RUNX1T1: variants seen among roughly 807,000 people sequenced by gnomAD.
RUNX1T1 encodes protein CBFA2T1.
A neutral mutation model predicts 62.8 loss-of-function variants in RUNX1T1; 4 were observed. The observed-to-expected ratio is 0.06, with a 90% confidence interval of 0.03 to 0.15. The LOEUF is 0.15. Ranked by LOEUF, RUNX1T1 falls within the 10% of genes least tolerant of loss-of-function variation. The pLI, the probability that RUNX1T1 is intolerant of heterozygous loss-of-function variation, is 1.00. For synonymous variants in RUNX1T1, 291 were observed against 286.0 expected (o/e 1.02, Z -0.18); for missense variants, 508 against 754.3 (o/e 0.67, Z 3.82).
chr8:91,986,990 G>T lies in RUNX1T1; in HGVS notation c.911-18C>A. The T allele has an allele frequency of 1.3e-6, 2 of 1,538,772 alleles. No homozygotes were observed. Among genetic ancestry groups the T allele is most frequent in the Non-Finnish European group, 1.8e-6 (2 of 1,112,280 alleles). On this transcript the variant is annotated intron_variant, in intron 6 of 10. Transcript: ENST00000396218. ...ATGCAACCCTACAAAAATAGAGAAGGCTGAATAACCCTAAAGCATTCAGTA... is the reference window on the plus strand; with the variant it reads ...ATGCAACCCTACAAAAATAGAGAAGTCTGAATAACCCTAAAGCATTCAGTA...
intron 1 of RUNX1T1, among the ~76,000 whole-genome samples, chr8:92,029,177 G>A (rs555655321): frequency 5.3e-5 from 8 of 152,246 alleles, no homozygotes; most frequent in African/African-American, 1.9e-4. Context: ...GATTTTAATT[G>A]AATGTACTCT....
intron 5 of RUNX1T1, 93 bp from the exon 7 acceptor site, chr8:91,991,982 A>C: frequency 7.4e-7 from 1 of 1,356,982 alleles, no homozygotes; most frequent in Non-Finnish European, 1.0e-6. Context: ...TAAAAACAGA[A>C]TATTTTTTAT....
intron 1 of RUNX1T1, among the ~76,000 whole-genome samples, chr8:92,035,681 T>C (rs1311416253): frequency 1.3e-5 from 2 of 152,104 alleles, no homozygotes; most frequent in Non-Finnish European, 2.9e-5. Flanking sequence ...CTTAATAAAG[T>C]AATTCAGAGA....
intron 2 of RUNX1T1, among the ~76,000 whole-genome samples, chr8:92,074,258 T>C (rs1301801164): frequency 1.1e-4 from 17 of 152,228 alleles, no homozygotes; most frequent in Admixed American, 7.2e-4. Context: ...GTTCTTGTCA[T>C]GCATTTTTGC....
At chr8:92,060,223 T>C (rs1831689910) in intron 1 of RUNX1T1, among the ~76,000 whole-genome samples, 1 of 152,088 alleles carries the variant, frequency 6.6e-6, no homozygotes, top group African/African-American at 2.4e-5. Flanking sequence ...TAAACAATTT[T>C]GAAATAATCT....
chr8:91,969,722 C>T (rs1287300064), intron 10 of RUNX1T1, among the ~76,000 whole-genome samples: 1 of 152,148 alleles, frequency 6.6e-6, no homozygotes. Context: ...CCTGCAGAGT[C>T]TTTCATCTAC....
chr8:92,017,727 T>C (rs2131173811), intron 1 of RUNX1T1: 1 of 904,328 alleles, frequency 1.1e-6, no homozygotes, highest in Non-Finnish European at 1.4e-6. Context: ...GAACCCCTCA[T>C]GACAGCTCAG....
intron 5 of RUNX1T1, among the ~76,000 whole-genome samples, chr8:92,001,652 C>T (rs1030445040): frequency 1.3e-5 from 2 of 152,010 alleles, no homozygotes; most frequent in African/African-American, 2.4e-5. Context: ...AAATGGGAAA[C>T]AAAACAACCA....
chr8:92,046,106 C>A (rs1829353908), intron 1 of RUNX1T1, among the ~76,000 whole-genome samples: 1 of 152,122 alleles, frequency 6.6e-6, no homozygotes, highest in Non-Finnish European at 1.5e-5. Flanking sequence ...CCTGCCGACT[C>A]ATGTATCATT....
chr8:92,098,648 C>A (rs1249851905), intron 1 of RUNX1T1, among the ~76,000 whole-genome samples: 2 of 152,104 alleles, frequency 1.3e-5, no homozygotes, highest in African/African-American at 4.8e-5. Flanking sequence ...AGCTACATAG[C>A]GATTTATTCA....
At chr8:92,007,760 A>G (rs772140765) in intron 4 of RUNX1T1, among the ~76,000 whole-genome samples, 2 of 152,064 alleles carry the variant, frequency 1.3e-5, no homozygotes, top group Non-Finnish European at 2.9e-5. Context: ...ACTTAAGCCC[A>G]GGAGTTTGAG....
chr8:92,008,290 G>C (rs1821216577), intron 4 of RUNX1T1, among the ~76,000 whole-genome samples: 1 of 151,846 alleles, frequency 6.6e-6, no homozygotes, highest in Non-Finnish European at 1.5e-5. Flanking sequence ...CGGGGGGGAA[G>C]TGAAGACTGT....
rs56037232 is a variant in RUNX1T1, at chr8:91,959,412, TTGTGTGTGTGTGTG to T, written c.*816_*829del. 190 of 139,470 alleles carry T rather than the reference TTGTGTGTGTGTGTG, an allele frequency of 1.4e-3. 2 individuals are homozygous for T. The highest frequency in any genetic ancestry group is 1.8e-3 in the Non-Finnish European group (135 of 76,864). The allele number at this position is 139,470 out of a possible 1,614,324, so 8.6% of individuals were successfully genotyped here. On this transcript the variant is annotated 3_prime_UTR_variant, in exon 11 of 11. Coordinates refer to ENST00000396218, the Ensembl canonical transcript of RUNX1T1. ...ATTAACTGCAGGCTGAGTCTCTTAC[TTGTGTGTGTGTGTG>T]TGTGTGTGTGTGTGTGTGTGTGTGT...
chr8:92,058,403 T>C (rs1053427749), intron 1 of RUNX1T1, among the ~76,000 whole-genome samples: 1 of 152,204 alleles, frequency 6.6e-6, no homozygotes, highest in Admixed American at 6.5e-5. Context: ...CAAGTGATTA[T>C]TGTCACAGAA....
exon 1 of RUNX1T1, chr8:92,062,879 T>C (rs745669386): frequency 6.2e-5 from 85 of 1,360,152 alleles, no homozygotes; most frequent in Admixed American, 1.9e-4. Context: ...CCCTTAGCAC[T>C]CCACCTCTCT....
chr8:92,095,384 A>G (rs1837644074), intron 1 of RUNX1T1: 8 of 1,535,448 alleles, frequency 5.2e-6, no homozygotes, highest in South Asian at 2.4e-5. Flanking sequence ...GCCGCGGCCG[A>G]GGCGGCACCC....
At chr8:92,079,369 G>A (rs1834889879) in intron 1 of RUNX1T1, among the ~76,000 whole-genome samples, 1 of 152,190 alleles carries the variant, frequency 6.6e-6, no homozygotes, top group South Asian at 2.1e-4. Context: ...ACCTTGGTAA[G>A]TACAGTTTCT....
At chr8:91,989,411 G>C (rs998868776) in intron 6 of RUNX1T1, among the ~76,000 whole-genome samples, 2 of 152,126 alleles carry the variant, frequency 1.3e-5, no homozygotes, top group African/African-American at 4.8e-5. Context: ...ATAGAGATTA[G>C]CACTATTGGT....
intron 1 of RUNX1T1, among the ~76,000 whole-genome samples, chr8:92,038,659 A>C (rs1827863252): frequency 6.6e-6 from 1 of 152,160 alleles, no homozygotes; most frequent in Non-Finnish European, 1.5e-5. Flanking sequence ...ATTCATCTCA[A>C]AGACACTGAC....
Sources: allele counts gnomAD v4.1 joint callset (sites outside exome capture counted in the v4.1 genomes callset), GRCh38; gene constraint gnomAD v4.1.1; transcripts MANE v1.5; gene names NCBI Gene and HGNC (gene_info 2026-07-23, HGNC 2026-07-21).